Variants in SMS observed in about 807,000 individuals in gnomAD.
SMS encodes spermidine aminopropyltransferase.
SMS carries 3 observed loss-of-function variants against 33.0 expected under a neutral mutation model. The ratio of observed to expected loss-of-function variants is 0.09; its 90% CI spans 0.04 to 0.23. The LOEUF is 0.23. Ranked by LOEUF, SMS falls within the 10% of genes least tolerant of loss-of-function variation. The pLI, the probability that SMS is intolerant of heterozygous loss-of-function variation, is 1.00. For synonymous variants in SMS, 103 were observed against 112.2 expected (o/e 0.92, Z 0.52); for missense variants, 117 against 288.6 (o/e 0.41, Z 4.31).
At chrX:21,971,021 AC>A (rs1346720151) in intron 2 of SMS, among the ~76,000 whole-genome samples, 1 of 109,224 alleles carries the variant, frequency 9.2e-6, no homozygotes, top group Non-Finnish European at 1.9e-5. Flanking sequence ...ACATGGTGAA[AC>A]CCCGTCTCTA....
At chrX:21,981,378 G>C (rs1159596936) in intron 7 of SMS, among the ~76,000 whole-genome samples, 1 of 111,309 alleles carries the variant, frequency 9.0e-6, no homozygotes, top group Admixed American at 9.6e-5. Flanking sequence ...TCCCAAGGAG[G>C]GGGGAGGGGT....
chrX:21,988,724 G>C (rs1251722256), intron 9 of SMS, among the ~76,000 whole-genome samples: 5 of 104,902 alleles, frequency 4.8e-5, no homozygotes, highest in African/African-American at 1.7e-4. Context: ...TGAAAATGTT[G>C]TGTTTTACAA....
In SMS at chrX:21,982,622, G is replaced by T. The variant is rs763171670; in HGVS notation, c.751-1682G>T. Among the ~76,000 whole-genome samples the T allele has an allele frequency of 2.7e-5, 3 of 112,481 alleles. No homozygotes were observed. In the South Asian group the frequency reaches 1.1e-3, roughly 41 times the overall value. On this transcript the variant is annotated intron_variant, in intron 7 of 10. Transcript: ENST00000404933. The stretch of plus-strand genomic sequence containing the variant: ...TATAGCTGTGCTTGTAGTGACCAAG[G>T]CTTGGCAATGACAACAGAAAGAATG...
At chrX:21,979,078 C>A (rs1434771994) in intron 7 of SMS, 112 bp downstream of exon 7, 1 of 550,454 alleles carries the variant, frequency 1.8e-6, no homozygotes, top group Non-Finnish European at 3.2e-6. Flanking sequence ...AAGATAAATA[C>A]ATCATCTGTC....
intron 1 of SMS, among the ~76,000 whole-genome samples, chrX:21,944,210 C>T (rs750992083): frequency 1.8e-5 from 2 of 111,238 alleles, no homozygotes; most frequent in South Asian, 3.7e-4. Flanking sequence ...AACAACTCAT[C>T]TGTGGTCATC....
At chrX:21,983,098 G>C (rs12841626) in intron 7 of SMS, among the ~76,000 whole-genome samples, 1 of 111,247 alleles carries the variant, frequency 9.0e-6, no homozygotes, top group South Asian at 3.8e-4. Context: ...ACAGTGGTGC[G>C]CGATGATCAT....
At chrX:21,979,883 A>T (rs1474273266) in intron 7 of SMS, among the ~76,000 whole-genome samples, 1 of 107,545 alleles carries the variant, frequency 9.3e-6, no homozygotes, top group Non-Finnish European at 1.9e-5. Flanking sequence ...CTGACTTTTT[A>T]ATGATGGCCA....
chrX:21,947,520 GC>G (rs1488187259), intron 1 of SMS, among the ~76,000 whole-genome samples: 1 of 112,049 alleles, frequency 8.9e-6, no homozygotes, highest in Non-Finnish European at 1.9e-5. Context: ...ACCTCACTCA[GC>G]CCAACCAGTC....
intron 1 of SMS, among the ~76,000 whole-genome samples, chrX:21,948,226 A>C (rs992722702): frequency 2.7e-5 from 3 of 110,990 alleles, no homozygotes; most frequent in African/African-American, 9.9e-5. Flanking sequence ...TTTAGTTTCT[A>C]CTTCATATCT....
intron 1 of SMS, among the ~76,000 whole-genome samples, chrX:21,941,718 C>T (rs1921793058): frequency 9.4e-6 from 1 of 106,905 alleles, no homozygotes; most frequent in South Asian, 4.3e-4. Flanking sequence ...AACCCCGTCT[C>T]TTCTAAAAAT....
intron 1 of SMS, chrX:21,960,062 G>A: frequency 3.3e-6 from 1 of 298,665 alleles, no homozygotes; most frequent in Non-Finnish European, 4.5e-6. Flanking sequence ...GGGGCACTGA[G>A]AATAAAGTGT....
chrX:21,942,958 G>C (rs1250099250), intron 1 of SMS, among the ~76,000 whole-genome samples: 1 of 107,754 alleles, frequency 9.3e-6, no homozygotes, highest in African/African-American at 3.4e-5. Flanking sequence ...TTGTGTCTCA[G>C]CCTACCAAGT....
chrX:21,993,776 T>G (rs1348008292), intron 10 of SMS, among the ~76,000 whole-genome samples: 2 of 112,154 alleles, frequency 1.8e-5, no homozygotes, highest in Non-Finnish European at 3.8e-5. Flanking sequence ...CAGGCCTGTG[T>G]TTGCATGTTG....
intron 1 of SMS, among the ~76,000 whole-genome samples, chrX:21,962,385 A>G (rs1254690115): frequency 8.9e-6 from 1 of 112,479 alleles, no homozygotes; most frequent in African/African-American, 3.2e-5. Context: ...CCATGGCTTC[A>G]GTTAGTAAAG....
chrX:21,975,383 C>G (rs1312041527), intron 4 of SMS, among the ~76,000 whole-genome samples: 1 of 112,230 alleles, frequency 8.9e-6, no homozygotes, highest in Non-Finnish European at 1.9e-5. Flanking sequence ...AGCCAAGGCA[C>G]TATTGACACA....
chrX:21,965,912 C>A (rs976335140), intron 1 of SMS, among the ~76,000 whole-genome samples: 1 of 111,310 alleles, frequency 9.0e-6, no homozygotes, highest in Non-Finnish European at 1.9e-5. Flanking sequence ...GCCGAGATTG[C>A]GCCAATGCAC....
At chrX:21,945,734 C>G (rs181123921) in intron 1 of SMS, among the ~76,000 whole-genome samples, 229 of 104,589 alleles carry the variant, frequency 2.2e-3, no homozygotes, top group African/African-American at 7.7e-3. Context: ...AAGCTATTCT[C>G]CTGTCTCAGC....
chrX:21,945,634 T>TCCCCCCCCCCCCCCC (rs376720187), intron 1 of SMS, among the ~76,000 whole-genome samples: 11 of 34,133 alleles, frequency 3.2e-4, no homozygotes, highest in Admixed American at 8.5e-4. Flanking sequence ...TTGCTTCCCG[T>TCCCCCCCCCCCCCCC]CCCCCCCCCC....
At position 21,972,683 on chromosome X, in the gene SMS, C is replaced by T. The variant is rs1353965158; in HGVS notation, c.329+112C>T. The T allele has an allele frequency of 4.8e-5, 26 of 536,434 alleles. 1 individual carries two copies. Among genetic ancestry groups the T allele is most frequent in the African/African-American group, 4.6e-5 (2 of 43,061 alleles). 44.2% of individuals were successfully genotyped at this position (536,434 alleles called of 1,213,427 possible). On this transcript the variant is annotated intron_variant, in intron 4 of 10. Transcript: ENST00000404933. ...CAGCAATTTAGGAGGCCGAGGCAGGCGGATCACTTGAAGTCAGGAGTTTGA... is the reference window on the plus strand; with the variant it reads ...CAGCAATTTAGGAGGCCGAGGCAGGTGGATCACTTGAAGTCAGGAGTTTGA...
Sources: allele counts gnomAD v4.1 joint callset (sites outside exome capture counted in the v4.1 genomes callset), GRCh38; gene constraint gnomAD v4.1.1; transcripts MANE v1.5; gene names NCBI Gene and HGNC (gene_info 2026-07-23, HGNC 2026-07-21).